Variants in PARP8 observed in about 807,000 individuals in gnomAD.
PARP8 encodes the protein poly(ADP-ribose) polymerase family member 8, also known as protein mono-ADP-ribosyltransferase PARP8.
Under a neutral mutation model 124.1 loss-of-function variants are expected in PARP8, and 51 were observed. That is an observed-to-expected ratio of 0.41 (90% CI 0.33 to 0.52). PARP8 has a LOEUF of 0.52. PARP8 is among the 20% of genes least tolerant of loss of function. The pLI, the probability that PARP8 is intolerant of heterozygous loss-of-function variation, is 0.21. For missense variants in PARP8, 860 were observed against 1,018.9 expected, an observed-to-expected ratio of 0.84 and a Z score of 2.12; for synonymous variants, 391 against 361.5, an observed-to-expected ratio of 1.08 and a Z score of -0.93.
At chr5:50,670,018 TG>T (rs764086195) in intron 2 of PARP8, among the ~76,000 whole-genome samples, 10 of 152,254 alleles carry the variant, frequency 6.6e-5, no homozygotes, top group Non-Finnish European at 1.3e-4. Context: ...GTTGTTACAG[TG>T]TAGTAACCGT....
At chr5:50,706,902 C>T (rs1257103502) in intron 2 of PARP8, among the ~76,000 whole-genome samples, 1 of 151,996 alleles carries the variant, frequency 6.6e-6, no homozygotes, top group Non-Finnish European at 1.5e-5. Context: ...TCTAATAGTG[C>T]ATTATGATGC....
chr5:50,805,063 G>A (rs1312265863), intron 14 of PARP8, among the ~76,000 whole-genome samples: 1 of 152,056 alleles, frequency 6.6e-6, no homozygotes, highest in African/African-American at 2.4e-5. Context: ...AATACCAAAA[G>A]AGTTGACTCA....
chr5:50,836,992 G>A (rs1343974348), intron 25 of PARP8, among the ~76,000 whole-genome samples: 1 of 151,640 alleles, frequency 6.6e-6, no homozygotes, highest in African/African-American at 2.4e-5. Flanking sequence ...ATTTAAATAG[G>A]CAGTACCATT....
At chr5:50,836,931 C>T (rs1290948949) in intron 25 of PARP8, among the ~76,000 whole-genome samples, 1 of 152,146 alleles carries the variant, frequency 6.6e-6, no homozygotes, top group Non-Finnish European at 1.5e-5. Flanking sequence ...TCTACTCCTT[C>T]TGCATCTTGC....
intron 2 of PARP8, among the ~76,000 whole-genome samples, chr5:50,709,957 CACAT>C (rs1414840646): frequency 4.4e-5 from 4 of 90,852 alleles, no homozygotes; most frequent in South Asian, 3.2e-4. Context: ...TATATATATA[CACAT>C]ACATATATAC....
chr5:50,691,558 T>G (rs1317532545), intron 2 of PARP8, among the ~76,000 whole-genome samples: 3 of 152,210 alleles, frequency 2.0e-5, no homozygotes, highest in Non-Finnish European at 4.4e-5. Context: ...TTCTGTTTCC[T>G]CATCTTTACC....
chr5:50,766,673 A>G (rs1277569510), intron 7 of PARP8, among the ~76,000 whole-genome samples: 1 of 152,046 alleles, frequency 6.6e-6, no homozygotes, highest in Non-Finnish European at 1.5e-5. Flanking sequence ...TGACTGTTCT[A>G]TTGTGACTGT....
At chr5:50,835,551 A>T (rs907326163) in intron 25 of PARP8, among the ~76,000 whole-genome samples, 2 of 152,190 alleles carry the variant, frequency 1.3e-5, no homozygotes, top group African/African-American at 4.8e-5. Flanking sequence ...AGAAAAAAAA[A>T]GAAAAAAGAA....
intron 2 of PARP8, among the ~76,000 whole-genome samples, chr5:50,674,328 C>T (rs1161464569): frequency 6.6e-6 from 1 of 152,214 alleles, no homozygotes; most frequent in Non-Finnish European, 1.5e-5. Context: ...TCAGATTTCA[C>T]CTCAAGTCTT....
At chr5:50,819,379 G>T (rs1745480270) in intron 15 of PARP8, among the ~76,000 whole-genome samples, 1 of 140,370 alleles carries the variant, frequency 7.1e-6, no homozygotes, top group African/African-American at 2.7e-5. Context: ...ATCCATCTGT[G>T]TCATTCCCCT....
At position 50,823,937 on chromosome 5, in the gene PARP8, T is replaced by C. The variant is rs148757115; in HGVS notation, c.1861-971T>C. ...AGGTGGAAGTAGTAATGCTGCACCC[T>C]GTTTCGGTGTGTACTTCATAGGGAA... On this transcript the variant is annotated intron_variant, in intron 17 of 25. Coordinates refer to ENST00000281631, the MANE Select transcript of PARP8 (RefSeq NM_024615.4). Among the ~76,000 whole-genome samples, 541 of 152,354 alleles carry C rather than the reference T, an allele frequency of 3.6e-3. 1 individual carries two copies. The highest frequency in any genetic ancestry group is 6.8e-3 in the Middle Eastern group (2 of 294).
At chr5:50,821,761 T>C (rs1433558556) in intron 16 of PARP8, among the ~76,000 whole-genome samples, 1 of 152,248 alleles carries the variant, frequency 6.6e-6, no homozygotes, top group Non-Finnish European at 1.5e-5. Context: ...GTTGCCTCAG[T>C]TTCTATTACT....
chr5:50,805,405 G>A (rs2149672525), intron 14 of PARP8, among the ~76,000 whole-genome samples: 1 of 151,942 alleles, frequency 6.6e-6, no homozygotes, highest in Admixed American at 6.6e-5. Context: ...AGGTACTTTT[G>A]CTTTCATGCT....
At chr5:50,819,108 G>A (rs531506536) in intron 15 of PARP8, among the ~76,000 whole-genome samples, 2 of 152,302 alleles carry the variant, frequency 1.3e-5, no homozygotes, top group Admixed American at 1.3e-4. Flanking sequence ...CCAGGTATTA[G>A]CGCTGTGTCC....
At position 50,828,099 on chromosome 5, in the gene PARP8, A is replaced by G. The variant is rs761020322; in HGVS notation, c.2090+43A>G. ...TTAATGGGGGTGTGCTCCCATTAAC[A>G]TTTTCCAGAAATGTATGGGGAAGAT... On this transcript the variant is annotated intron_variant, in intron 20 of 25. Transcript: ENST00000281631. 4 of 1,410,700 alleles carry G rather than the reference A, an allele frequency of 2.8e-6. No individual in the cohort carries two copies. The East Asian group carries it at 9.1e-5, about 32-fold the overall frequency. The allele number at this position is 1,410,700 out of a possible 1,614,324, so 87.4% of individuals were successfully genotyped here.
chr5:50,796,875 G>A, intron 12 of PARP8, 107 bp from the exon 13 acceptor site: 1 of 929,186 alleles, frequency 1.1e-6, no homozygotes, highest in East Asian at 2.7e-5. Flanking sequence ...TATTTCATGT[G>A]ATCTTAAATC....
chr5:50,736,948 T>C (rs1757530563), intron 2 of PARP8, among the ~76,000 whole-genome samples: 2 of 152,160 alleles, frequency 1.3e-5, no homozygotes, highest in Admixed American at 1.3e-4. Flanking sequence ...TAAAATTAAC[T>C]TTTCCTCTGA....
chr5:50,763,731 C>T (rs1760787236), intron 7 of PARP8, among the ~76,000 whole-genome samples: 1 of 151,996 alleles, frequency 6.6e-6, no homozygotes, highest in South Asian at 2.1e-4. Flanking sequence ...TAAATTTACA[C>T]ATCATTTTTA....
At chr5:50,769,936 C>T (rs528025190) in intron 7 of PARP8, among the ~76,000 whole-genome samples, 1 of 152,080 alleles carries the variant, frequency 6.6e-6, no homozygotes, top group African/African-American at 2.4e-5. Flanking sequence ...TTAGAAAATA[C>T]ATAACATTTT....
Sources: allele counts gnomAD v4.1 joint callset (sites outside exome capture counted in the v4.1 genomes callset), GRCh38; gene constraint gnomAD v4.1.1; transcripts MANE v1.5; gene names NCBI Gene and HGNC (gene_info 2026-07-23, HGNC 2026-07-21).